Variants in NAV3 observed in about 807,000 individuals in gnomAD.
NAV3 encodes neuron navigator 3, also known as pore membrane and/or filament interacting like protein 1.
Under a neutral mutation model 244.7 loss-of-function variants are expected in NAV3, and 87 were observed. The ratio of observed to expected loss-of-function variants is 0.36; its 90% CI spans 0.30 to 0.42. The LOEUF (loss-of-function observed/expected upper bound fraction) is 0.42. Ranked by LOEUF, NAV3 falls within the 20% of genes least tolerant of loss-of-function variation. NAV3 has a pLI of 1.00. For missense variants in NAV3, 2,663 were observed against 2,893.3 expected (o/e 0.92, Z 1.83); for synonymous variants, 1,126 against 1,042.2 (o/e 1.08, Z -1.55).
Position 78,177,663 on chromosome 12 carries a change from G to A in NAV3, c.5341G>A (p.Val1781Met). The A allele has an allele frequency of 6.3e-7, 1 of 1,597,328 alleles. No individual in the cohort carries two copies. The highest frequency in any genetic ancestry group is 8.5e-7 in the Non-Finnish European group (1 of 1,179,228). The change falls in exon 28 of 40, where the codon GTG (valine) becomes ATG (methionine). Residue 1781 changes from valine to methionine, a missense_variant. Around this residue, in one of 6 missense-constraint regions of NAV3, gnomAD observed 193 missense variants for 200.7 expected, o/e 0.96. Transcript: ENST00000397909. ...WPPKKRQNGP[V>M]IYKHRSRICE... ...ACCAAAGAAACGACAAAATGGCCCT[G>A]TGATCTACAAGCATAGATCTCGGTA...
At chr12:77,981,730 A>G (rs1820474579) in intron 5 of NAV3, among the ~76,000 whole-genome samples, 1 of 152,062 alleles carries the variant, frequency 6.6e-6, no homozygotes, top group Non-Finnish European at 1.5e-5. Context: ...ATTGCCTACT[A>G]AAACTCAAAC....
chr12:77,591,412 C>T (rs558199610), intron 2 of NAV3, among the ~76,000 whole-genome samples: 20 of 152,156 alleles, frequency 1.3e-4, no homozygotes, highest in African/African-American at 4.6e-4. Flanking sequence ...TTGTGATGTT[C>T]GTTATTTAAT....
At chr12:77,625,299 T>C (rs1207166751) in intron 2 of NAV3, among the ~76,000 whole-genome samples, 1 of 152,178 alleles carries the variant, frequency 6.6e-6, no homozygotes, top group Non-Finnish European at 1.5e-5. Context: ...TTTACTCATT[T>C]CTAGGAGTAC....
chr12:77,907,748 T>C (rs951691917), intron 1 of NAV3, among the ~76,000 whole-genome samples: 2 of 152,032 alleles, frequency 1.3e-5, no homozygotes, highest in Non-Finnish European at 2.9e-5. Context: ...AAGCTAAGAC[T>C]CCAGTACCAT....
At chr12:77,630,798 G>C (rs1871860651) in intron 2 of NAV3, among the ~76,000 whole-genome samples, 1 of 152,166 alleles carries the variant, frequency 6.6e-6, no homozygotes, top group Non-Finnish European at 1.5e-5. Flanking sequence ...ATTCACACCT[G>C]AGGATTTACT....
intron 1 of NAV3, among the ~76,000 whole-genome samples, chr12:77,837,783 C>T (rs1484508751): frequency 6.6e-6 from 1 of 152,146 alleles, no homozygotes; most frequent in Non-Finnish European, 1.5e-5. Flanking sequence ...AATTGTAAAT[C>T]AATCAGTGGT....
chr12:77,582,758 G>A (rs1869424557), intron 2 of NAV3, among the ~76,000 whole-genome samples: 2 of 152,156 alleles, frequency 1.3e-5, no homozygotes, highest in South Asian at 4.1e-4. Flanking sequence ...CTGTAGTGAA[G>A]CAGGATGTTC....
chr12:78,007,498 A>G, intron 8 of NAV3, 53 bp downstream of exon 8: 3 of 1,539,090 alleles, frequency 1.9e-6, no homozygotes, highest in Non-Finnish European at 8.8e-7. Context: ...AGGCCTACAT[A>G]CTCAGAGTGT....
intron 37 of NAV3, among the ~76,000 whole-genome samples, 193 bp downstream of exon 37, chr12:78,199,724 T>C (rs940718665): frequency 6.6e-6 from 1 of 152,096 alleles, no homozygotes; most frequent in Non-Finnish European, 1.5e-5. Context: ...GTCTTGACAG[T>C]TATGTTTTAC....
chr12:77,642,505 T>C (rs888359053), intron 2 of NAV3, among the ~76,000 whole-genome samples: 4 of 152,108 alleles, frequency 2.6e-5, no homozygotes, highest in African/African-American at 9.7e-5. Context: ...TCTATAAGCT[T>C]TGTTAATTGA....
intron 2 of NAV3, among the ~76,000 whole-genome samples, chr12:77,715,492 T>C (rs1172575228): frequency 6.6e-6 from 1 of 151,948 alleles, no homozygotes. Context: ...AATAAATTAT[T>C]ACAATATAAT....
intron 2 of NAV3, among the ~76,000 whole-genome samples, chr12:77,576,709 AC>A (rs1436007245): frequency 6.6e-6 from 1 of 152,132 alleles, no homozygotes; most frequent in Non-Finnish European, 1.5e-5. Flanking sequence ...TATGTTGGAA[AC>A]TAATTAAAAA....
At chr12:77,949,764 A>G (rs1434267066) in intron 3 of NAV3, among the ~76,000 whole-genome samples, 1 of 152,028 alleles carries the variant, frequency 6.6e-6, no homozygotes, top group Non-Finnish European at 1.5e-5. Flanking sequence ...TTAGACAAAT[A>G]TATAATGACC....
intron 1 of NAV3, among the ~76,000 whole-genome samples, chr12:77,841,918 G>A (rs1266462484): frequency 1.3e-5 from 2 of 152,144 alleles, no homozygotes; most frequent in Non-Finnish European, 2.9e-5. Flanking sequence ...TCAGAACTCA[G>A]TGAGATGATA....
intron 1 of NAV3, among the ~76,000 whole-genome samples, chr12:77,846,925 GA>G (rs1412146461): frequency 6.6e-6 from 1 of 151,946 alleles, no homozygotes; most frequent in Non-Finnish European, 1.5e-5. Flanking sequence ...AAAAAGCTTT[GA>G]TTTGTCAATA....
intron 2 of NAV3, among the ~76,000 whole-genome samples, chr12:77,743,791 TA>T (rs1868396881): frequency 6.6e-6 from 1 of 151,754 alleles, no homozygotes; most frequent in Admixed American, 6.6e-5. Flanking sequence ...TAGGATGCAA[TA>T]AAAGTTAAAA....
chr12:77,775,300 G>A (rs965510343), intron 2 of NAV3, among the ~76,000 whole-genome samples: 1 of 151,444 alleles, frequency 6.6e-6, no homozygotes. Flanking sequence ...GCTGAGGCAC[G>A]AAAATTGCTT....
At chr12:77,822,423 T>C (rs7960482) in intron 2 of NAV3, among the ~76,000 whole-genome samples, 148,740 of 152,274 alleles carry the variant, frequency 0.98, 72,764 homozygotes, top group East Asian at 1. Context: ...TTGCCCCTTG[T>C]GCCCACAAAT....
At position 77,909,484 on chromosome 12, in the gene NAV3, A is replaced by G. The variant is rs1886357933; in HGVS notation, c.244-30835A>G. On this transcript the variant is annotated intron_variant, in intron 1 of 39. Transcript: ENST00000397909. Reference sequence around the variant, plus strand: ...AAAAGAAACAGTATGTTATTAGACAATTGTGGCACTGCATGCTGGTACCAC... The same window carrying G: ...AAAAGAAACAGTATGTTATTAGACAGTTGTGGCACTGCATGCTGGTACCAC... Among the ~76,000 whole-genome samples, 5 of 152,062 alleles carry G rather than the reference A, an allele frequency of 3.3e-5. No homozygotes were observed. The South Asian group carries it at 1.0e-3, about 31-fold the overall frequency.
Sources: gnomAD v4.1 joint callset for allele counts (sites outside exome capture counted in the v4.1 genomes callset) on GRCh38, gnomAD v4.1.1 for gene constraint, gnomAD v4.1.1 regional missense constraint, MANE v1.5 for transcripts, NCBI Gene and HGNC (gene_info 2026-07-23, HGNC 2026-07-21) for gene names.